The following GPR63 variants were observed in gnomAD, a reference collection of about 807,000 sequenced individuals.
GPR63 encodes G protein-coupled receptor 63, also known as probable G protein-coupled receptor 63.
A neutral mutation model predicts 23.1 loss-of-function variants in GPR63; 12 were observed. That is an observed-to-expected ratio of 0.52 (90% CI 0.33 to 0.84). GPR63 has a LOEUF of 0.84. Ranked by LOEUF, GPR63 falls within the 40% of genes least tolerant of loss-of-function variation. The pLI, the probability that GPR63 is intolerant of heterozygous loss-of-function variation, is 0.02. For missense variants in GPR63, 472 were observed against 515.6 expected (o/e 0.92, Z 0.82); for synonymous variants, 172 against 191.1 (o/e 0.90, Z 0.82).
At position 96,811,503 on chromosome 6, in the gene GPR63, G is replaced by A. The variant is rs147975459; in HGVS notation, c.-150-11622C>T. Among the ~76,000 whole-genome samples, 13 of 152,306 alleles carry A rather than the reference G, an allele frequency of 8.5e-5. No individual in the cohort carries two copies. The East Asian group carries it at 2.3e-3, about 27-fold the overall frequency. ...TTCTGGGCCACAGCCTGTGCTTGAA[G>A]AGAAAAGATGTCACATCATGTTCTT... On this transcript the variant is annotated intron_variant, in intron 1 of 1. Transcript: ENST00000229955.
chr6:96,810,570 C>G (rs1274745994), intron 1 of GPR63, among the ~76,000 whole-genome samples: 1 of 149,662 alleles, frequency 6.7e-6, no homozygotes, highest in African/African-American at 2.5e-5. Context: ...GCAGCTATCA[C>G]AAACAATAGG....
intron 1 of GPR63, among the ~76,000 whole-genome samples, chr6:96,806,230 A>C (rs1214201074): frequency 6.6e-6 from 1 of 152,216 alleles, no homozygotes; most frequent in Non-Finnish European, 1.5e-5. Context: ...TCCTAAAAAA[A>C]TTCAGAGGCC....
Position 96,799,726 on chromosome 6 carries a change from G to A in GPR63, c.6C>T (p.Val2=). Residue 2 remains valine (V), a synonymous_variant, in exon 2 of 2, where the codon GTC becomes GTT. Coordinates refer to ENST00000229955, the MANE Select transcript of GPR63 (RefSeq NM_030784.4). ...GGAACGCAGTCAACACTGCCGAGAA[G>A]ACCATGGTTTCAGTAGGATGGAAGA... The part of the protein sequence containing the change: M[V]FSAVLTAFHT... 6.2e-7 allele frequency: 1 copy of A among 1,614,186 alleles called. No individual in the cohort carries two copies. The highest frequency in any genetic ancestry group is 1.3e-5 in the African/African-American group (1 of 75,054).
intron 1 of GPR63, among the ~76,000 whole-genome samples, chr6:96,815,111 A>G (rs1384526200): frequency 1.3e-5 from 2 of 152,184 alleles, no homozygotes; most frequent in African/African-American, 2.4e-5. Flanking sequence ...TAACACTTCA[A>G]CTCCTTCAAA....
At chr6:96,799,980 C>T (rs967050647) in intron 1 of GPR63, 99 bp from the exon 2 acceptor site, 23 of 515,840 alleles carry the variant, frequency 4.5e-5, no homozygotes, top group Non-Finnish European at 7.2e-6. Context: ...ATCAGTTTTG[C>T]TCTTTTTGAC....
At position 96,827,773 on chromosome 6, in the gene GPR63, A is replaced by T. The variant is rs191776771; in HGVS notation, c.-151+9495T>A. Among the ~76,000 whole-genome samples the T allele has an allele frequency of 2.6e-4, 40 of 152,166 alleles. No homozygotes were observed. In the East Asian group the frequency reaches 4.2e-3, roughly 16 times the overall value. ...TTTGATACTTCCTTTCAGCAAATTA[A>T]ATTAAATTAAAAGGATTGTCACAAA... is the stretch of plus-strand genomic sequence containing the variant. On this transcript the variant is annotated intron_variant, in intron 1 of 1. Transcript: ENST00000229955.
intron 1 of GPR63, among the ~76,000 whole-genome samples, chr6:96,808,841 T>G (rs534053406): frequency 1.3e-5 from 2 of 152,126 alleles, no homozygotes; most frequent in Non-Finnish European, 2.9e-5. Context: ...TAGTTACCTA[T>G]GTATACATGT....
chr6:96,834,300 G>A (rs1333951130), intron 1 of GPR63, among the ~76,000 whole-genome samples: 1 of 152,296 alleles, frequency 6.6e-6, no homozygotes, highest in Non-Finnish European at 1.5e-5. Context: ...CTCATGTTTT[G>A]TGGTTGCAAA....
At chr6:96,810,872 T>G (rs1774025256) in intron 1 of GPR63, among the ~76,000 whole-genome samples, 2 of 152,230 alleles carry the variant, frequency 1.3e-5, no homozygotes, top group Non-Finnish European at 2.9e-5. Flanking sequence ...AATATTGATC[T>G]TGTACTATTC....
chr6:96,822,964 G>T (rs1051940905), intron 1 of GPR63, among the ~76,000 whole-genome samples: 4 of 152,116 alleles, frequency 2.6e-5, no homozygotes, highest in African/African-American at 4.8e-5. Context: ...GATTATAATG[G>T]AGCTGAAAAA....
At chr6:96,801,556 G>C (rs890385016) in intron 1 of GPR63, among the ~76,000 whole-genome samples, 4 of 152,146 alleles carry the variant, frequency 2.6e-5, no homozygotes, top group African/African-American at 9.7e-5. Flanking sequence ...ACTAATGCAT[G>C]ATGGGTAGGG....
chr6:96,828,979 T>C lies in GPR63; in HGVS notation c.-151+8289A>G, dbSNP rs529464531. ...AAAAATATTTAAAAATCTAAACTTG[T>C]ATGTATCTAATAATAAACCTCAAAA... On this transcript the variant is annotated intron_variant, in intron 1 of 1. Coordinates refer to ENST00000229955, the MANE Select transcript of GPR63 (RefSeq NM_030784.4). 9.2e-5 allele frequency among the ~76,000 whole-genome samples: 14 copies of C among 152,342 alleles called. No individual in the cohort carries two copies. In the South Asian group the frequency reaches 2.9e-3, roughly 32 times the overall value.
In GPR63 at chr6:96,804,769, T is replaced by A. The variant is rs376830645; in HGVS notation, c.-150-4888A>T. On this transcript the variant is annotated intron_variant, in intron 1 of 1. Coordinates refer to ENST00000229955, the MANE Select transcript of GPR63 (RefSeq NM_030784.4). ...ATTTCCTGTAAGTATAGATGTAGAT[T>A]TAGCTGTCACAGCATTTCCAACTAA... Among the ~76,000 whole-genome samples, 26 of 152,274 alleles carry A rather than the reference T, an allele frequency of 1.7e-4. 1 individual carries two copies. Among genetic ancestry groups the A allele is most frequent in the African/African-American group, 6.0e-4 (25 of 41,562 alleles).
chr6:96,805,860 T>C (rs9487199), intron 1 of GPR63, among the ~76,000 whole-genome samples: 52,199 of 152,086 alleles, frequency 0.34, 9,270 homozygotes, highest in African/African-American at 0.42. Context: ...ATTCAAGTTG[T>C]CTCTTTGGCT....
Position 96,795,821 on chromosome 6 carries a change from A to G in GPR63, c.*2651T>C, listed in dbSNP as rs371353479. 2 of 152,240 alleles carry G rather than the reference A, an allele frequency of 1.3e-5. No homozygotes were observed. The highest frequency in any genetic ancestry group is 2.4e-5 in the African/African-American group (1 of 41,466). The allele number at this position is 152,240 out of a possible 1,614,324, so 9.4% of individuals were successfully genotyped here. On this transcript the variant is annotated 3_prime_UTR_variant, in exon 2 of 2. Transcript: ENST00000229955. ...AGTCTAATAAAAAATGTCCTTATCAATATCTGCTTGAAATCTAGTTTATAT... is the reference window on the plus strand; with the variant it reads ...AGTCTAATAAAAAATGTCCTTATCAGTATCTGCTTGAAATCTAGTTTATAT...
At position 96,799,488 on chromosome 6, in the gene GPR63, T is replaced by C. The variant is rs767330422; in HGVS notation, c.244A>G (p.Ile82Val). Residue 82 changes from isoleucine (I) to valine (V), a missense_variant, in exon 2 of 2, where the codon ATC (isoleucine) becomes GTC (valine). Physicochemically the swap from Ile to Val is conservative, Grantham distance 29. Coordinates refer to ENST00000229955, the MANE Select transcript of GPR63 (RefSeq NM_030784.4). ...AFKSLNLPLQ[I>V]TLSAIMIFIL... is the part of the protein sequence containing the mutation. The stretch of plus-strand genomic sequence containing the variant: ...AATATCATTATAGCAGAAAGGGTGA[T>C]CTGAAGAGGCAAGTTTAGGCTCTTA... 1.8e-5 allele frequency: 29 copies of C among 1,614,088 alleles called. No homozygotes were observed. Among genetic ancestry groups the C allele is most frequent in the Non-Finnish European group, 2.4e-5 (28 of 1,180,020 alleles).
chr6:96,803,684 C>T (rs190001094), intron 1 of GPR63, among the ~76,000 whole-genome samples: 196 of 152,260 alleles, frequency 1.3e-3, no homozygotes, highest in African/African-American at 4.6e-3. Context: ...AAGATTCTTT[C>T]CTCTAAGCAT....
intron 1 of GPR63, among the ~76,000 whole-genome samples, chr6:96,814,515 G>T (rs1050689187): frequency 6.6e-6 from 1 of 152,116 alleles, no homozygotes; most frequent in African/African-American, 2.4e-5. Context: ...AAGGCTCAGA[G>T]GGCAATGTGC....
chr6:96,817,769 A>G (rs1774200726), intron 1 of GPR63, among the ~76,000 whole-genome samples: 1 of 152,118 alleles, frequency 6.6e-6, no homozygotes, highest in Non-Finnish European at 1.5e-5. Flanking sequence ...CAATTTATAT[A>G]AAATTCAAAC....
Sources: gnomAD v4.1 joint callset for allele counts (sites outside exome capture counted in the v4.1 genomes callset) on GRCh38, gnomAD v4.1.1 for gene constraint, MANE v1.5 for transcripts, NCBI Gene and HGNC (gene_info 2026-07-23, HGNC 2026-07-21) for gene names.